RAD50: variants seen among roughly 807,000 people sequenced by gnomAD.
The protein encoded by RAD50 is RAD50 double strand break repair protein.
Under a neutral mutation model 168.8 loss-of-function variants are expected in RAD50, and 132 were observed. The observed-to-expected ratio is 0.78, with a 90% confidence interval of 0.68 to 0.90. The LOEUF is 0.90. RAD50 is among the 40% of genes least tolerant of loss of function. The probability of loss-of-function intolerance (pLI) is 0.00; values close to 1 mark genes in which losing one functional copy is unlikely to be tolerated. For synonymous variants in RAD50, 525 were observed against 497.4 expected (o/e 1.06, Z -0.74); for missense variants, 1,347 against 1,534.4 (o/e 0.88, Z 2.04).
chr5:132,591,309 A>T lies in RAD50; in HGVS notation c.1538A>T (p.Asp513Val), dbSNP rs529795802. Residue 513 changes from aspartate (D) to valine (V), a missense_variant, in exon 10 of 25, where the codon GAC becomes GTC. By Grantham distance (152) the Asp-to-Val change is radical (BLOSUM62 -3). This residue lies in a region of RAD50 where 703 missense variants were observed against 767.7 expected (regional missense o/e 0.92). Coordinates refer to ENST00000378823, the MANE Select transcript of RAD50 (RefSeq NM_005732.4). ...ATAAGTCTCCAAAATGAAAAAGCAG[A>T]CTTAGACAGGACCCTGCGTAAACTT... is the stretch of plus-strand genomic sequence containing the variant. ...EVISLQNEKADLDRTLRKLDQ... is the reference protein window; with the variant it reads ...EVISLQNEKAVLDRTLRKLDQ... 1.2e-6 allele frequency: 2 copies of T among 1,613,540 alleles called. No homozygotes were observed. The highest frequency in any genetic ancestry group is 2.2e-5 in the South Asian group (2 of 91,076).
At chr5:132,565,501 T>C (rs2522401) in intron 2 of RAD50, among the ~76,000 whole-genome samples, 10,641 of 152,148 alleles carry the variant, frequency 0.07, 1,173 homozygotes, top group African/African-American at 0.24. Context: ...GGGATGCTTT[T>C]CCATTCTGTA....
intron 2 of RAD50, among the ~76,000 whole-genome samples, chr5:132,560,104 G>A (rs1272864390): frequency 1.3e-5 from 2 of 151,802 alleles, no homozygotes; most frequent in Non-Finnish European, 2.9e-5. Flanking sequence ...TTCGTTTTTA[G>A]TGGGGTCATG....
chr5:132,571,340 G>C (rs1335197038), intron 2 of RAD50, among the ~76,000 whole-genome samples: 4 of 152,168 alleles, frequency 2.6e-5, no homozygotes, highest in Non-Finnish European at 5.9e-5. Context: ...GTATTTGATA[G>C]CTGTCATAAT....
rs1226001971 is a variant in RAD50 at position 132,645,932 on chromosome 5, T to TA, written c.*3574dup. 2 of 151,860 alleles carry TA rather than the reference T, an allele frequency of 1.3e-5. No homozygotes were observed. The highest frequency in any genetic ancestry group is 2.9e-5 in the Non-Finnish European group (2 of 67,968). 9.4% of individuals were successfully genotyped at this position (151,860 alleles called of 1,614,324 possible). The stretch of plus-strand genomic sequence containing the variant: ...ACATCCCATCTTTACATAAAATTTT[T>TA]AAAAAATTAGCAAGGCATGGTGGTG... On this transcript the variant is annotated 3_prime_UTR_variant, in exon 25 of 25. Transcript: ENST00000378823.
At chr5:132,634,167 G>C (rs1421089889) in intron 21 of RAD50, among the ~76,000 whole-genome samples, 1 of 152,048 alleles carries the variant, frequency 6.6e-6, no homozygotes, top group Non-Finnish European at 1.5e-5. Flanking sequence ...GAGGAGAACG[G>C]ACATCTTTGT....
intron 11 of RAD50, among the ~76,000 whole-genome samples, chr5:132,594,251 T>G (rs72797363): frequency 6.6e-6 from 1 of 152,334 alleles, no homozygotes; most frequent in Non-Finnish European, 1.5e-5. Context: ...TTAAAAAATA[T>G]GCTGAATACA....
At chr5:132,600,911 C>T (rs1750876247) in intron 13 of RAD50, among the ~76,000 whole-genome samples, 1 of 151,940 alleles carries the variant, frequency 6.6e-6, no homozygotes, top group Non-Finnish European at 1.5e-5. Context: ...TCACATTGTA[C>T]CCCATAAATG....
chr5:132,615,950 T>G (rs1175819052), intron 19 of RAD50, 53 bp from the exon 20 acceptor site: 1 of 1,502,180 alleles, frequency 6.7e-7, no homozygotes, highest in Non-Finnish European at 9.2e-7. Flanking sequence ...TGTTACAGAT[T>G]TCATGTTAGT....
At chr5:132,584,084 A>G (rs1750552882) in intron 5 of RAD50, among the ~76,000 whole-genome samples, 1 of 152,012 alleles carries the variant, frequency 6.6e-6, no homozygotes, top group African/African-American at 2.4e-5. Context: ...TGGCTGATGG[A>G]CATTAAGTTG....
At chr5:132,585,838 C>G (rs1456333296) in intron 5 of RAD50, among the ~76,000 whole-genome samples, 3 of 152,052 alleles carry the variant, frequency 2.0e-5, no homozygotes, top group Admixed American at 2.0e-4. Flanking sequence ...AAGCAATCAG[C>G]CTGCCTCAGT....
In RAD50 at chr5:132,575,912, G is replaced by T. The variant is rs1237021808; in HGVS notation, c.349G>T (p.Val117Phe). The stretch of plus-strand genomic sequence containing the variant: ...GACAGAATTTAAAACTCTGGAAGGA[G>T]TCATTACTAGAACAAAGTAGGTGTT... The part of the protein sequence containing the change: ...KKTEFKTLEG[V>F]ITRTKHGEKV... The change falls in exon 3 of 25, where the codon GTC (valine) becomes TTC (phenylalanine). Residue 117 changes from valine (V) to phenylalanine (F), a missense_variant. This residue lies in a region of RAD50 where 703 missense variants were observed against 767.7 expected (regional missense o/e 0.92). Transcript: ENST00000378823. The T allele has an allele frequency of 1.2e-6, 2 of 1,610,274 alleles. No homozygotes were observed. Among genetic ancestry groups the T allele is most frequent in the Non-Finnish European group, 1.7e-6 (2 of 1,176,846 alleles).
At chr5:132,621,339 T>C (rs1376642683) in intron 21 of RAD50, among the ~76,000 whole-genome samples, 1 of 152,234 alleles carries the variant, frequency 6.6e-6, no homozygotes, top group African/African-American at 2.4e-5. Context: ...GTTTTATCTT[T>C]TTCCTGAATA....
At chr5:132,629,914 C>T (rs56183820) in intron 21 of RAD50, among the ~76,000 whole-genome samples, 26,460 of 152,074 alleles carry the variant, frequency 0.17, 2,606 homozygotes, top group Middle Eastern at 0.24. Context: ...TGTATTACCC[C>T]ATACTAATAC....
chr5:132,580,421 A>G (rs2149838166), intron 5 of RAD50, among the ~76,000 whole-genome samples: 1 of 152,310 alleles, frequency 6.6e-6, no homozygotes, highest in African/African-American at 2.4e-5. Context: ...AAATTGCTGA[A>G]AGAGCTTGGA....
At chr5:132,609,507 C>T (rs1470338621) in intron 19 of RAD50, 111 bp downstream of exon 19, 13 of 1,498,990 alleles carry the variant, frequency 8.7e-6, no homozygotes, top group East Asian at 2.6e-5. Context: ...AGAGGCCAAG[C>T]GTGGTGGCTC....
At position 132,557,225 on chromosome 5, in the gene RAD50, TGAG is replaced by T. The variant is rs2149829934; in HGVS notation, c.-99_-97del. ...CTCCCCGCCCGGATCCTCCTGACCC[TGAG>T]ATTCGCGGGTCTCACGTCCCGTGCA... is the stretch of plus-strand genomic sequence containing the variant. On this transcript the variant is annotated 5_prime_UTR_variant, in exon 1 of 25. Coordinates refer to ENST00000378823, the MANE Select transcript of RAD50 (RefSeq NM_005732.4). The T allele has an allele frequency of 6.6e-7, 1 of 1,506,330 alleles. No individual in the cohort carries two copies. Among genetic ancestry groups the T allele is most frequent in the East Asian group, 2.3e-5 (1 of 44,260 alleles). 93.3% of individuals were successfully genotyped at this position (1,506,330 alleles called of 1,614,324 possible). A position where few individuals can be genotyped will look rare whatever the true frequency, so the allele number is the denominator to read the frequency against.
At chr5:132,576,067 C>T in intron 3 of RAD50, 139 bp downstream of exon 3, 1 of 930,192 alleles carries the variant, frequency 1.1e-6, no homozygotes, top group South Asian at 2.1e-5. Flanking sequence ...TTTTTTAGAG[C>T]AGTTTTGGGT....
At chr5:132,559,419 G>A in intron 2 of RAD50, 52 bp downstream of exon 2, 2 of 1,536,470 alleles carry the variant, frequency 1.3e-6, no homozygotes, top group Non-Finnish European at 8.8e-7. Context: ...AATGATAATA[G>A]CTTATTATAG....
intron 1 of RAD50, among the ~76,000 whole-genome samples, chr5:132,558,164 A>AAG (rs768909751): frequency 5.3e-5 from 8 of 152,158 alleles, no homozygotes; most frequent in Non-Finnish European, 1.0e-4. Flanking sequence ...AGAGTGTAGA[A>AAG]AGAGAGAAGG....
Sources: allele counts gnomAD v4.1 joint callset (sites outside exome capture counted in the v4.1 genomes callset), GRCh38; gene constraint gnomAD v4.1.1; regional missense constraint gnomAD v4.1.1; transcripts MANE v1.5; gene names NCBI Gene and HGNC (gene_info 2026-07-23, HGNC 2026-07-21).